Variants in DMXL2 observed in about 807,000 individuals in gnomAD.
DMXL2 encodes dmX-like protein 2.
In DMXL2, 103 loss-of-function variants were observed where a neutral mutation model predicts 331.1. That is an observed-to-expected ratio of 0.31 (90% confidence interval 0.27 to 0.37). The LOEUF (loss-of-function observed/expected upper bound fraction) is 0.37, where lower values mean the gene tolerates loss of function less well. DMXL2 is among the 10% of genes least tolerant of loss of function. The pLI, the probability that DMXL2 is intolerant of heterozygous loss-of-function variation, is 1.00. For missense variants in DMXL2, 3,171 were observed against 3,642.9 expected (o/e 0.87, Z 3.33); for synonymous variants, 1,281 against 1,252.1 (o/e 1.02, Z -0.49).
At chr15:51,496,564 G>A (rs755675047) in intron 18 of DMXL2, among the ~76,000 whole-genome samples, 9 of 152,208 alleles carry the variant, frequency 5.9e-5, no homozygotes, top group Non-Finnish European at 1.2e-4. Flanking sequence ...GAAGGCACCA[G>A]TATATGTTGA....
chr15:51,572,654 C>T (rs2050750138), intron 2 of DMXL2, among the ~76,000 whole-genome samples: 1 of 152,132 alleles, frequency 6.6e-6, no homozygotes. Context: ...TAAATGTAAT[C>T]CATCACATAA....
At chr15:51,500,875 T>C (rs533279855) in intron 17 of DMXL2, among the ~76,000 whole-genome samples, 1 of 152,328 alleles carries the variant, frequency 6.6e-6, no homozygotes, top group African/African-American at 2.4e-5. Flanking sequence ...ATATAGAGAT[T>C]AAAGATCTGA....
chr15:51,611,464 G>T (rs2053964514), intron 1 of DMXL2, among the ~76,000 whole-genome samples: 1 of 152,196 alleles, frequency 6.6e-6, no homozygotes, highest in Non-Finnish European at 1.5e-5. Flanking sequence ...CCTCCATGAG[G>T]CCTCAGTCCA....
At chr15:51,599,306 T>C (rs141099762) in intron 1 of DMXL2, among the ~76,000 whole-genome samples, 60 of 152,360 alleles carry the variant, frequency 3.9e-4, no homozygotes, top group African/African-American at 1.3e-3. Flanking sequence ...CAAAGGTATT[T>C]AGAAACCAAG....
intron 9 of DMXL2, among the ~76,000 whole-genome samples, chr15:51,539,070 T>C (rs1033484763): frequency 6.6e-6 from 1 of 151,488 alleles, no homozygotes; most frequent in Non-Finnish European, 1.5e-5. Context: ...ATTAGCCCAG[T>C]GTGGCGGGGT....
intron 6 of DMXL2, among the ~76,000 whole-genome samples, chr15:51,556,355 GA>G (rs59460472): frequency 0.59 from 71,312 of 119,866 alleles, 17,187 homozygotes; most frequent in East Asian, 0.73. Flanking sequence ...AAAAAAAAAA[GA>G]AAAAAAAAAA....
In DMXL2 at chr15:51,622,499, T is replaced by G; in HGVS notation, c.47A>C (p.Asn16Thr). 6.4e-7 allele frequency: 1 copy of G among 1,570,232 alleles called. No homozygotes were observed. Residue 16 changes from asparagine (N) to threonine (T), a missense_variant, in exon 1 of 44, where the codon AAC (asparagine) becomes ACC (threonine). By Grantham distance (65) the Asn-to-Thr change is moderately conservative. Coordinates refer to ENST00000560891, the MANE Select transcript of DMXL2 (RefSeq NM_001378457.1). Reference sequence around the variant, plus strand: ...CCCGACGCTGCCCACGGAGTAGCAGTTGTCTCCAGGGTTGACAGCTCCGGT... The same window carrying G: ...CCCGACGCTGCCCACGGAGTAGCAGGTGTCTCCAGGGTTGACAGCTCCGGT... ...VLTGAVNPGD[N>T]CYSVGSVGDV...
chr15:51,487,925 T>C, intron 22 of DMXL2, 29 bp downstream of exon 22: 1 of 1,555,458 alleles, frequency 6.4e-7, no homozygotes, highest in Non-Finnish European at 8.7e-7. Flanking sequence ...CTTTTACAAG[T>C]ATTATATAGT....
chr15:51,471,373 A>G lies in DMXL2; in HGVS notation c.7242T>C (p.Asp2414=), dbSNP rs151292814. The G allele has an allele frequency of 1.7e-5, 28 of 1,613,088 alleles. No individual in the cohort carries two copies. The African/African-American group carries it at 3.3e-4, about 19-fold the overall frequency. The stretch of plus-strand genomic sequence containing the variant: ...TCATGTTAAATCTCCTACGGTGTTT[A>G]TCTATGTCTTCAGAAAGGACAGGAG... ...SAPPVLSEDI[D]KHRRRFNMRM... Residue 2414 remains aspartate, a synonymous_variant, in exon 29 of 44, where the codon GAT becomes GAC. Coordinates refer to ENST00000560891, the MANE Select transcript of DMXL2 (RefSeq NM_001378457.1).
intron 29 of DMXL2, among the ~76,000 whole-genome samples, chr15:51,469,127 G>GAT: frequency 6.6e-6 from 1 of 151,800 alleles, no homozygotes; most frequent in East Asian, 1.9e-4. Flanking sequence ...CTGAATATGT[G>GAT]ATAATATTAA....
intron 13 of DMXL2, among the ~76,000 whole-genome samples, chr15:51,523,667 T>C (rs201878372): frequency 1.3e-5 from 1 of 75,482 alleles, no homozygotes; most frequent in Non-Finnish European, 3.1e-5. Context: ...GAGAAGACAG[T>C]GATGCAGCTA....
At chr15:51,501,606 G>A (rs1013979225) in intron 17 of DMXL2, among the ~76,000 whole-genome samples, 20 of 152,156 alleles carry the variant, frequency 1.3e-4, no homozygotes, top group Non-Finnish European at 2.8e-4. Context: ...CAAAGTGTAG[G>A]CAAGACACCT....
chr15:51,568,434 G>A lies in DMXL2; in HGVS notation c.285+53C>T, dbSNP rs1269620809. ...AGGAGCTTTTTATTAACATCAATTG[G>A]ATTCTAAAGTTAACTAGATTCTAAA... On this transcript the variant is annotated intron_variant, in intron 3 of 43. Transcript: ENST00000560891. 5.8e-6 allele frequency: 7 copies of A among 1,208,258 alleles called. No homozygotes were observed. The East Asian group carries it at 1.8e-4, about 31-fold the overall frequency. The allele number at this position is 1,208,258 out of a possible 1,614,324, so 74.8% of individuals were successfully genotyped here. A position where few individuals can be genotyped will look rare whatever the true frequency, so the allele number is the denominator to read the frequency against.
At chr15:51,605,196 CAT>C (rs1313828045) in intron 1 of DMXL2, among the ~76,000 whole-genome samples, 3 of 151,924 alleles carry the variant, frequency 2.0e-5, no homozygotes, top group Non-Finnish European at 4.4e-5. Flanking sequence ...GGGAAAAAAA[CAT>C]ATAAATATAT....
intron 6 of DMXL2, among the ~76,000 whole-genome samples, chr15:51,553,367 G>A (rs1453744853): frequency 5.3e-5 from 8 of 152,050 alleles, no homozygotes; most frequent in Non-Finnish European, 1.0e-4. Flanking sequence ...TCAATTTTAC[G>A]TATATAAAGT....
chr15:51,601,539 T>A (rs1214489895), intron 1 of DMXL2, among the ~76,000 whole-genome samples: 1 of 152,210 alleles, frequency 6.6e-6, no homozygotes, highest in Non-Finnish European at 1.5e-5. Flanking sequence ...AACCATCCTG[T>A]TACTCTACCA....
At chr15:51,545,432 A>G (rs2048835972) in intron 8 of DMXL2, 151 bp downstream of exon 8, 1 of 533,710 alleles carries the variant, frequency 1.9e-6, no homozygotes, top group Admixed American at 3.5e-5. Flanking sequence ...AGTGGAATAA[A>G]TGAGTAGTCT....
intron 3 of DMXL2, among the ~76,000 whole-genome samples, chr15:51,566,207 A>G (rs1317259330): frequency 6.6e-6 from 1 of 150,882 alleles, no homozygotes; most frequent in East Asian, 2.0e-4. Context: ...GCAAGACTCT[A>G]TATCTAAAAA....
At chr15:51,458,836 G>A (rs770118587) in intron 34 of DMXL2, 41 bp from the exon 35 acceptor site, 2 of 1,521,158 alleles carry the variant, frequency 1.3e-6, no homozygotes, top group South Asian at 1.1e-5. Context: ...CTGCAGCACA[G>A]CTCTATTTAG....
Sources: allele counts gnomAD v4.1 joint callset (sites outside exome capture counted in the v4.1 genomes callset), GRCh38; gene constraint gnomAD v4.1.1; transcripts MANE v1.5; gene names NCBI Gene and HGNC (gene_info 2026-07-23, HGNC 2026-07-21).